Variants in RAB38 observed in about 807,000 individuals in gnomAD.
The protein encoded by RAB38 is RAB38, member RAS oncogene family, also known as ras-related protein Rab-38.
A neutral mutation model predicts 18.4 loss-of-function variants in RAB38; 15 were observed. That is an observed-to-expected ratio of 0.82 (90% CI 0.55 to 1.26). RAB38 has a LOEUF of 1.26. Among genes scored for constraint, RAB38 ranks in the 50% most tolerant of loss-of-function variants. The pLI is 0.00. For missense variants in RAB38, 294 were observed against 267.4 expected (o/e 1.10, Z -0.69); for synonymous variants, 101 against 104.4 (o/e 0.97, Z 0.20).
At chr11:87,858,812 G>T in the RAB38 span, among the ~76,000 whole-genome samples, 1 of 151,802 alleles carries the variant, frequency 6.6e-6, no homozygotes, top group African/African-American at 2.4e-5. Context: ...TGCAGTGACG[G>T]ATTTGCAGGT....
At chr11:87,965,437 T>C in the RAB38 span, among the ~76,000 whole-genome samples, 1 of 152,198 alleles carries the variant, frequency 6.6e-6, no homozygotes, top group Non-Finnish European at 1.5e-5. Context: ...CGCTCTTCGA[T>C]GACGACTGAA....
chr11:88,060,915 C>A, the RAB38 span, among the ~76,000 whole-genome samples: 3 of 152,102 alleles, frequency 2.0e-5, no homozygotes, highest in Non-Finnish European at 2.9e-5. Context: ...TGTGGGGATG[C>A]AAACATATAT....
At chr11:88,079,134 A>G in the RAB38 span, among the ~76,000 whole-genome samples, 1 of 151,916 alleles carries the variant, frequency 6.6e-6, no homozygotes, top group African/African-American at 2.4e-5. Flanking sequence ...AACAATAGAG[A>G]AAACAAATGA....
the RAB38 span, among the ~76,000 whole-genome samples, chr11:88,071,588 G>A: frequency 6.6e-6 from 1 of 152,156 alleles, no homozygotes; most frequent in African/African-American, 2.4e-5. Context: ...CATAAATTCA[G>A]AGAAAGACCC....
At chr11:87,930,027 G>A in the RAB38 span, among the ~76,000 whole-genome samples, 6 of 152,010 alleles carry the variant, frequency 3.9e-5, no homozygotes, top group African/African-American at 7.3e-5. Flanking sequence ...ATAAACATAC[G>A]TGTGCACGTG....
At chr11:87,923,067 A>AT in the RAB38 span, among the ~76,000 whole-genome samples, 2 of 152,026 alleles carry the variant, frequency 1.3e-5, no homozygotes, top group African/African-American at 4.8e-5. Flanking sequence ...TGACCTGTAT[A>AT]TAACAACAAC....
the RAB38 span, among the ~76,000 whole-genome samples, chr11:88,012,777 C>T: frequency 2.0e-5 from 3 of 152,260 alleles, no homozygotes; most frequent in African/African-American, 7.2e-5. Flanking sequence ...TGTCCTTCCT[C>T]AATGTCCCAG....
chr11:88,048,259 G>A, the RAB38 span, among the ~76,000 whole-genome samples: 1 of 152,138 alleles, frequency 6.6e-6, no homozygotes, highest in Non-Finnish European at 1.5e-5. Flanking sequence ...GGTCTGAAAA[G>A]GCCACCACGG....
the RAB38 span, among the ~76,000 whole-genome samples, chr11:87,895,447 A>G: frequency 6.6e-6 from 1 of 151,662 alleles, no homozygotes; most frequent in Non-Finnish European, 1.5e-5. Context: ...GAGCAAGAGA[A>G]GAAAGAATAG....
At chr11:88,137,216 A>G (rs1305436460) in intron 2 of RAB38, among the ~76,000 whole-genome samples, 2 of 152,218 alleles carry the variant, frequency 1.3e-5, no homozygotes, top group African/African-American at 4.8e-5. Context: ...CTTTCTAGAC[A>G]CACAGAGCTC....
the RAB38 span, among the ~76,000 whole-genome samples, chr11:88,083,999 G>A: frequency 5.3e-5 from 8 of 151,862 alleles, no homozygotes; most frequent in Admixed American, 4.6e-4. Context: ...CTAGAATTGT[G>A]CCTGGATAAT....
chr11:87,929,318 A>G, the RAB38 span, among the ~76,000 whole-genome samples: 3 of 151,758 alleles, frequency 2.0e-5, no homozygotes, highest in Admixed American at 1.3e-4. Flanking sequence ...ACAGTTTAGC[A>G]TGGGCATCTT....
Position 88,142,828 on chromosome 11 carries a change from T to G in RAB38, c.483+6847A>C, listed in dbSNP as rs570027240. Among the ~76,000 whole-genome samples the G allele has an allele frequency of 2.0e-5, 3 of 152,296 alleles. No homozygotes were observed. In the South Asian group the frequency reaches 6.2e-4, roughly 32 times the overall value. On this transcript the variant is annotated intron_variant, in intron 2 of 2. Transcript: ENST00000243662. ...GTTCTGACAACGGCTAGACGAAAAGTATATGTGAGAAAAGGCCTTTCCCTT... is the reference window on the plus strand; with the variant it reads ...GTTCTGACAACGGCTAGACGAAAAGGATATGTGAGAAAAGGCCTTTCCCTT...
chr11:88,023,385 G>C, the RAB38 span, among the ~76,000 whole-genome samples: 1 of 150,654 alleles, frequency 6.6e-6, no homozygotes, highest in Non-Finnish European at 1.5e-5. Flanking sequence ...ACAAAACACT[G>C]ATAAAAATCT....
At chr11:87,855,629 T>A in the RAB38 span, among the ~76,000 whole-genome samples, 1 of 152,178 alleles carries the variant, frequency 6.6e-6, no homozygotes, top group Non-Finnish European at 1.5e-5. Context: ...TTCATAATTA[T>A]TTTTAAGGAT....
At chr11:88,168,714 C>T (rs577013154) in intron 1 of RAB38, among the ~76,000 whole-genome samples, 1 of 152,150 alleles carries the variant, frequency 6.6e-6, no homozygotes, top group South Asian at 2.1e-4. Context: ...AATTAAGTAG[C>T]ACTTGAGCCC....
At chr11:88,023,153 A>G in the RAB38 span, among the ~76,000 whole-genome samples, 6 of 152,268 alleles carry the variant, frequency 3.9e-5, no homozygotes, top group Non-Finnish European at 8.8e-5. Context: ...TAAACATAAA[A>G]GTTAAAAAAA....
chr11:88,028,982 A>C, the RAB38 span, among the ~76,000 whole-genome samples: 1 of 152,180 alleles, frequency 6.6e-6, no homozygotes, highest in South Asian at 2.1e-4. Context: ...CCAGAGAGAA[A>C]GGTCGGGTTA....
the RAB38 span, among the ~76,000 whole-genome samples, chr11:87,944,634 C>G: frequency 5.9e-5 from 9 of 152,148 alleles, no homozygotes; most frequent in African/African-American, 2.2e-4. Context: ...CTGAGAGATT[C>G]TAGAAATGCT....
Sources: allele counts gnomAD v4.1 joint callset (sites outside exome capture counted in the v4.1 genomes callset), GRCh38; gene constraint gnomAD v4.1.1; transcripts MANE v1.5; gene names NCBI Gene and HGNC (gene_info 2026-07-23, HGNC 2026-07-21).